Variants in FNBP1 observed in about 807,000 individuals in gnomAD.
FNBP1 encodes the protein formin-binding protein 1.
FNBP1 carries 26 observed loss-of-function variants against 90.6 expected under a neutral mutation model. The ratio of observed to expected loss-of-function variants is 0.29; its 90% CI spans 0.21 to 0.40. FNBP1 has a LOEUF of 0.40. FNBP1 is among the 10% of genes least tolerant of loss of function. FNBP1 has a pLI of 1.00. For missense variants in FNBP1, 635 were observed against 768.0 expected (o/e 0.83, Z 2.05); for synonymous variants, 260 against 265.2 (o/e 0.98, Z 0.19).
chr9:130,018,301 T>G (rs1462231262), intron 1 of FNBP1, among the ~76,000 whole-genome samples: 2 of 151,984 alleles, frequency 1.3e-5, no homozygotes, highest in African/African-American at 4.8e-5. Flanking sequence ...CAATTTGCCA[T>G]GTTAATCATT....
chr9:129,977,981 C>T (rs1338234991), intron 4 of FNBP1, among the ~76,000 whole-genome samples: 2 of 151,868 alleles, frequency 1.3e-5, no homozygotes. Flanking sequence ...ACGTAGAGAC[C>T]TAGAAACACT....
chr9:129,915,587 C>T (rs1018669881), intron 11 of FNBP1, among the ~76,000 whole-genome samples: 2 of 152,190 alleles, frequency 1.3e-5, no homozygotes, highest in African/African-American at 4.8e-5. Flanking sequence ...TGGTCTCGAA[C>T]TCCTGAGCTC....
chr9:130,017,567 C>T (rs2057360140), intron 1 of FNBP1, among the ~76,000 whole-genome samples: 1 of 152,110 alleles, frequency 6.6e-6, no homozygotes, highest in Non-Finnish European at 1.5e-5. Flanking sequence ...CGGTAGCTCA[C>T]GCCTGTAATC....
intron 12 of FNBP1, among the ~76,000 whole-genome samples, chr9:129,906,293 G>T (rs920549870): frequency 2.6e-5 from 4 of 152,172 alleles, no homozygotes; most frequent in Non-Finnish European, 5.9e-5. Context: ...GTGAAACAAA[G>T]ATATACTCAA....
At position 130,002,050 on chromosome 9, in the gene FNBP1, C is replaced by T. The variant is rs541755557; in HGVS notation, c.25-7092G>A. ...CCTCAAAAAAAAAAAAAAAAAAAGC[C>T]GGGCATGGAGACCCATGCCTGTAAT... On this transcript the variant is annotated intron_variant, in intron 1 of 16. Transcript: ENST00000446176. Among the ~76,000 whole-genome samples the T allele has an allele frequency of 3.9e-5, 5 of 129,838 alleles. No individual in the cohort carries two copies. In the East Asian group the frequency reaches 1.1e-3, roughly 30 times the overall value. The allele number at this position is 129,838 out of a possible 152,430, so 85.2% of individuals were successfully genotyped here.
At chr9:129,923,061 C>T (rs2041333702) in intron 10 of FNBP1, among the ~76,000 whole-genome samples, 1 of 151,858 alleles carries the variant, frequency 6.6e-6, no homozygotes, top group South Asian at 2.1e-4. Flanking sequence ...GGGGGTCTCA[C>T]TATGGTGTCC....
At chr9:130,014,122 C>T (rs2056956615) in intron 1 of FNBP1, 1 of 453,706 alleles carries the variant, frequency 2.2e-6, no homozygotes, top group Non-Finnish European at 4.4e-6. Context: ...GTAAAAATAA[C>T]AGAATATGTT....
intron 1 of FNBP1, among the ~76,000 whole-genome samples, chr9:130,035,839 G>A (rs1272613417): frequency 1.3e-5 from 2 of 152,040 alleles, no homozygotes; most frequent in East Asian, 1.9e-4. Context: ...CCAGCTACTC[G>A]GGAGGCTGAG....
At chr9:129,973,724 C>T (rs1360967016) in intron 4 of FNBP1, among the ~76,000 whole-genome samples, 5 of 150,304 alleles carry the variant, frequency 3.3e-5, no homozygotes, top group African/African-American at 9.8e-5. Flanking sequence ...AGGATGGTCT[C>T]GATCTCCTGA....
the FNBP1 span, among the ~76,000 whole-genome samples, chr9:130,052,045 C>T: frequency 1.3e-5 from 2 of 152,192 alleles, no homozygotes; most frequent in African/African-American, 4.8e-5. Context: ...TTTCTTGAAA[C>T]TATGAAATCA....
intron 1 of FNBP1, among the ~76,000 whole-genome samples, chr9:130,016,019 T>G (rs141939008): frequency 6.6e-6 from 1 of 152,260 alleles, no homozygotes; most frequent in African/African-American, 2.4e-5. Context: ...AACTGTTCTC[T>G]TCTTAATCTT....
chr9:130,000,447 T>G (rs796643958), intron 1 of FNBP1, among the ~76,000 whole-genome samples: 6 of 151,852 alleles, frequency 4.0e-5, no homozygotes, highest in African/African-American at 1.4e-4. Flanking sequence ...TCGGCTGAGC[T>G]GAGATTACGC....
chr9:130,017,754 C>T (rs2057382071), intron 1 of FNBP1, among the ~76,000 whole-genome samples: 1 of 151,362 alleles, frequency 6.6e-6, no homozygotes, highest in South Asian at 2.1e-4. Context: ...CACTTGAACC[C>T]GGAAGGCAGA....
chr9:130,016,765 A>C (rs1338730031), intron 1 of FNBP1, among the ~76,000 whole-genome samples: 1 of 152,116 alleles, frequency 6.6e-6, no homozygotes, highest in Non-Finnish European at 1.5e-5. Flanking sequence ...AGAAAAGAAA[A>C]TATTTGCTTA....
intron 4 of FNBP1, among the ~76,000 whole-genome samples, chr9:129,971,274 T>C (rs1006216807): frequency 6.6e-6 from 1 of 152,130 alleles, no homozygotes; most frequent in Non-Finnish European, 1.5e-5. Context: ...TGGATATTCA[T>C]AACATTAAAA....
chr9:129,971,141 T>A (rs2049391281), intron 4 of FNBP1, among the ~76,000 whole-genome samples: 1 of 151,744 alleles, frequency 6.6e-6, no homozygotes, highest in East Asian at 1.9e-4. Flanking sequence ...TATGCCCACC[T>A]CCGCCTCCCA....
At chr9:129,977,127 C>G (rs951217704) in intron 4 of FNBP1, among the ~76,000 whole-genome samples, 1 of 150,926 alleles carries the variant, frequency 6.6e-6, no homozygotes, top group African/African-American at 2.4e-5. Context: ...CCACTTCACT[C>G]GGGCCTGGAC....
At chr9:129,905,885 T>C (rs1304075376) in intron 12 of FNBP1, among the ~76,000 whole-genome samples, 1 of 151,220 alleles carries the variant, frequency 6.6e-6, no homozygotes, top group Non-Finnish European at 1.5e-5. Flanking sequence ...ATTTCTTTTT[T>C]TTTTTGTTTT....
chr9:129,895,759 C>T, intron 16 of FNBP1, 79 bp downstream of exon 16: 2 of 1,443,312 alleles, frequency 1.4e-6, no homozygotes, highest in Non-Finnish European at 1.8e-6. Flanking sequence ...CTGCCTGTAA[C>T]AGTCATGGTT....
Sources: allele counts gnomAD v4.1 joint callset (sites outside exome capture counted in the v4.1 genomes callset), GRCh38; gene constraint gnomAD v4.1.1; transcripts MANE v1.5; gene names NCBI Gene and HGNC (gene_info 2026-07-23, HGNC 2026-07-21).